CPNE1: variants seen among roughly 807,000 people sequenced by gnomAD.
CPNE1 encodes the protein copine 1.
CPNE1 carries 58 observed loss-of-function variants against 63.2 expected under a neutral mutation model. That is an observed-to-expected ratio of 0.92 (90% CI 0.74 to 1.14). CPNE1 has a LOEUF of 1.14. Among genes scored for constraint, CPNE1 ranks in the 50% most tolerant of loss-of-function variants. The pLI, the probability that CPNE1 is intolerant of heterozygous loss-of-function variation, is 0.00. For missense variants in CPNE1, 672 were observed against 661.7 expected (o/e 1.02, Z -0.17); for synonymous variants, 237 against 249.0 (o/e 0.95, Z 0.45).
intron 1 of CPNE1, chr20:35,654,153 A>G: frequency 6.2e-7 from 1 of 1,614,250 alleles, no homozygotes. Context: ...TTTGCTTAAA[A>G]GTGATATGGC....
intron 1 of CPNE1, among the ~76,000 whole-genome samples, chr20:35,647,897 GAA>G (rs11481740): frequency 2.5e-3 from 247 of 98,706 alleles, no homozygotes; most frequent in African/African-American, 7.5e-3. Context: ...TACTAAAAAT[GAA>G]AAAAAAAAAA....
chr20:35,646,252 CAAAA>C (rs549372063), intron 1 of CPNE1, among the ~76,000 whole-genome samples: 1,839 of 58,098 alleles, frequency 0.032, 14 homozygotes, highest in African/African-American at 0.087. Context: ...AAGACCATCT[CAAAA>C]AAAAAAAAAA....
chr20:35,626,849 A>C (rs1601413504), intron 14 of CPNE1, 46 bp from the exon 15 acceptor site: 6 of 1,442,094 alleles, frequency 4.2e-6, no homozygotes, highest in Non-Finnish European at 5.9e-6. Context: ...CTCCTCCTAA[A>C]CCCCTGCAAA....
At chr20:35,652,818 A>AGGGCCGGGGCCG (rs201181145) in intron 1 of CPNE1, 42 of 1,602,474 alleles carry the variant, frequency 2.6e-5, no homozygotes, top group Middle Eastern at 1.7e-4. Context: ...GGATTGGGCC[A>AGGGCCGGGGCCG]GGGCCGGGGC....
intron 1 of CPNE1, among the ~76,000 whole-genome samples, chr20:35,639,257 G>A (rs952299840): frequency 6.6e-6 from 1 of 152,170 alleles, no homozygotes; most frequent in Non-Finnish European, 1.5e-5. Context: ...TAAGTTGTAG[G>A]ATCTGAAATG....
rs991139947 is a variant in CPNE1 at position 35,639,813 on chromosome 20, C to T, written c.1-6890G>A. On this transcript the variant is annotated intron_variant, in intron 1 of 15. Transcript: ENST00000397443. ...CCAAAAGAGATGCCCTTGGTCTGGG[C>T]CAAACACGTGTAGTGGGCTACTATT... Among the ~76,000 whole-genome samples, 10 of 152,344 alleles carry T rather than the reference C, an allele frequency of 6.6e-5. No homozygotes were observed. In the East Asian group the frequency reaches 1.9e-3, roughly 29 times the overall value.
At chr20:35,641,509 T>TA (rs2032805896) in intron 1 of CPNE1, among the ~76,000 whole-genome samples, 1 of 152,178 alleles carries the variant, frequency 6.6e-6, no homozygotes, top group African/African-American at 2.4e-5. Flanking sequence ...GGCAAATACT[T>TA]AATCTCACTA....
Position 35,631,744 on chromosome 20 carries a change from G to A in CPNE1, c.571C>T (p.Arg191Cys), listed in dbSNP as rs751783616. The change falls in exon 7 of 16, where the codon CGT becomes TGT. Residue 191 changes from arginine to cysteine, a missense_variant. Transcript: ENST00000397443. ...AAATGCTGAACGGGGACTGAGAAAC[G>A]CTTCCATGTAGGGTTCAGGTTGTTC... ...IKNNLNPTWKRFSVPVQHFCG... is the reference protein window; with the variant it reads ...IKNNLNPTWKCFSVPVQHFCG... The A allele has an allele frequency of 3.5e-5, 56 of 1,613,928 alleles. No homozygotes were observed. The highest frequency in any genetic ancestry group is 1.0e-4 in the Admixed American group (6 of 59,996).
intron 1 of CPNE1, among the ~76,000 whole-genome samples, chr20:35,646,790 T>C (rs1198333361): frequency 6.6e-6 from 1 of 152,202 alleles, no homozygotes; most frequent in Non-Finnish European, 1.5e-5. Flanking sequence ...TCATACTGAA[T>C]TATGTTCTCT....
In CPNE1 at chr20:35,630,621, GA is replaced by G. The variant is rs1233750366; in HGVS notation, c.1050+119del. 2.1e-6 allele frequency: 3 copies of G among 1,460,390 alleles called. No individual in the cohort carries two copies. In the African/African-American group the frequency reaches 4.2e-5, roughly 20 times the overall value. The allele number at this position is 1,460,390 out of a possible 1,614,324, so 90.5% of individuals were successfully genotyped here. ...GCACTTGCTGTCTACGTGCCTGCAG[GA>G]ATCCAACCCTGCATCTCCTCTTAAA... On this transcript the variant is annotated intron_variant, in intron 12 of 15. Coordinates refer to ENST00000397443, the MANE Select transcript of CPNE1 (RefSeq NM_152925.3).
chr20:35,642,345 A>T (rs1241174580), intron 1 of CPNE1, among the ~76,000 whole-genome samples: 2 of 152,220 alleles, frequency 1.3e-5, no homozygotes, highest in East Asian at 3.8e-4. Context: ...GGCTGCAAGA[A>T]GGTGGCATAG....
chr20:35,636,022 T>C (rs975406090), intron 1 of CPNE1, among the ~76,000 whole-genome samples: 4 of 152,242 alleles, frequency 2.6e-5, no homozygotes, highest in Non-Finnish European at 4.4e-5. Flanking sequence ...TACTTCTACC[T>C]GGTAGTTCTT....
At chr20:35,641,698 C>A (rs955629607) in intron 1 of CPNE1, among the ~76,000 whole-genome samples, 1 of 152,162 alleles carries the variant, frequency 6.6e-6, no homozygotes, top group African/African-American at 2.4e-5. Flanking sequence ...CTTTCCAGCA[C>A]TCAACTTCTC....
intron 1 of CPNE1, among the ~76,000 whole-genome samples, chr20:35,646,213 C>CCACT (rs1441174422): frequency 1.4e-5 from 2 of 139,822 alleles, no homozygotes; most frequent in Admixed American, 7.5e-5. Flanking sequence ...GCTGACTGTA[C>CCACT]CACTGCACTC....
At chr20:35,657,521 G>A (rs1314447382) in intron 1 of CPNE1, among the ~76,000 whole-genome samples, 3 of 152,142 alleles carry the variant, frequency 2.0e-5, no homozygotes, top group Non-Finnish European at 2.9e-5. Flanking sequence ...ACTTGATATA[G>A]TCCCAAGAAC....
chr20:35,653,108 G>A (rs761609999), intron 1 of CPNE1: 35 of 1,613,706 alleles, frequency 2.2e-5, no homozygotes, highest in Admixed American at 1.7e-4. Context: ...AATCCTGGAG[G>A]AGGGATTGGT....
chr20:35,626,980 G>A, intron 14 of CPNE1, 177 bp from the exon 15 acceptor site: 1 of 646,886 alleles, frequency 1.5e-6, no homozygotes, highest in South Asian at 1.8e-5. Flanking sequence ...TTGAGGTCAG[G>A]AGTTTGTGAC....
intron 12 of CPNE1, 122 bp downstream of exon 12, chr20:35,630,617 GCA>G (rs2032060247): frequency 6.9e-7 from 1 of 1,446,244 alleles, no homozygotes; most frequent in Admixed American, 1.7e-5. Flanking sequence ...CTACGTGCCT[GCA>G]GGAATCCAAC....
intron 1 of CPNE1, among the ~76,000 whole-genome samples, chr20:35,635,354 T>C (rs753219348): frequency 6.6e-6 from 1 of 152,090 alleles, no homozygotes; most frequent in Non-Finnish European, 1.5e-5. Context: ...GTTCTGTTTA[T>C]TGCTCTATCC....
Sources: allele counts gnomAD v4.1 joint callset (sites outside exome capture counted in the v4.1 genomes callset), GRCh38; gene constraint gnomAD v4.1.1; transcripts MANE v1.5; gene names NCBI Gene and HGNC (gene_info 2026-07-23, HGNC 2026-07-21).